Variants in SPIDR observed in about 807,000 individuals in gnomAD.
The protein encoded by SPIDR is scaffold protein involved in DNA repair, also known as DNA repair-scaffolding protein.
SPIDR carries 93 observed loss-of-function variants against 104.6 expected under a neutral mutation model. The observed-to-expected ratio is 0.89, with a 90% confidence interval of 0.75 to 1.06. The LOEUF is 1.06. SPIDR is among the 50% of genes least tolerant of loss of function. SPIDR has a pLI of 0.00. For synonymous variants in SPIDR, 431 were observed against 416.9 expected (o/e 1.03, Z -0.41); for missense variants, 1,154 against 1,111.2 (o/e 1.04, Z -0.55).
At position 47,493,931 on chromosome 8, in the gene SPIDR, A is replaced by C. The variant is rs2079081067; in HGVS notation, c.1097+53389A>C. On this transcript the variant is annotated intron_variant, in intron 8 of 19. Transcript: ENST00000297423. ...TAGAGCATCCCTTTAAAACAATTTTATGTTCCCTTCAAAAAGCATAAGGGG... is the reference window on the plus strand; with the variant it reads ...TAGAGCATCCCTTTAAAACAATTTTCTGTTCCCTTCAAAAAGCATAAGGGG... Among the ~76,000 whole-genome samples the C allele has an allele frequency of 2.6e-5, 4 of 152,132 alleles. No homozygotes were observed. In the South Asian group the frequency reaches 8.3e-4, roughly 32 times the overall value.
At chr8:47,380,613 G>A (rs189765637) in intron 5 of SPIDR, among the ~76,000 whole-genome samples, 2 of 152,180 alleles carry the variant, frequency 1.3e-5, no homozygotes, top group South Asian at 2.1e-4. Context: ...CCAGGCTGAC[G>A]ATAGGTGGAG....
In SPIDR at chr8:47,440,842, G is replaced by A. The variant is rs182070936; in HGVS notation, c.1097+300G>A. Among the ~76,000 whole-genome samples the A allele has an allele frequency of 2.4e-3, 361 of 152,184 alleles. 1 individual carries two copies. Among genetic ancestry groups the A allele is most frequent in the Non-Finnish European group, 4.2e-3 (286 of 68,004 alleles). ...GCTGTTTTTGTTTTTATATTTCTTA[G>A]AAAAATAATTTTGTTAACAGGCATT... On this transcript the variant is annotated intron_variant, in intron 8 of 19. Transcript: ENST00000297423.
At chr8:47,559,551 G>A (rs1003164461) in intron 8 of SPIDR, among the ~76,000 whole-genome samples, 2 of 152,170 alleles carry the variant, frequency 1.3e-5, no homozygotes, top group African/African-American at 4.8e-5. Flanking sequence ...AGAAACAATT[G>A]TATGTTCGTC....
intron 8 of SPIDR, among the ~76,000 whole-genome samples, chr8:47,480,552 G>C (rs533874797): frequency 7.2e-5 from 11 of 152,328 alleles, no homozygotes; most frequent in African/African-American, 2.6e-4. Context: ...GTGGGTAGTT[G>C]GTGGATGACG....
At chr8:47,722,550 G>T (rs1323397000) in intron 16 of SPIDR, among the ~76,000 whole-genome samples, 1 of 152,110 alleles carries the variant, frequency 6.6e-6, no homozygotes, top group East Asian at 1.9e-4. Context: ...AATAATATTA[G>T]CTCTCCTTCC....
At chr8:47,430,660 A>G (rs905054809) in intron 7 of SPIDR, among the ~76,000 whole-genome samples, 1 of 152,208 alleles carries the variant, frequency 6.6e-6, no homozygotes, top group African/African-American at 2.4e-5. Context: ...ACCACCCATA[A>G]TTAGTAACTT....
chr8:47,560,855 C>T (rs2056973200), intron 8 of SPIDR, among the ~76,000 whole-genome samples: 1 of 152,188 alleles, frequency 6.6e-6, no homozygotes, highest in South Asian at 2.1e-4. Context: ...CAAAGACATA[C>T]ACAATTCACT....
chr8:47,545,071 TTTTCTTTCTTTCTTTC>T (rs566816481), intron 8 of SPIDR, among the ~76,000 whole-genome samples: 1,758 of 124,752 alleles, frequency 0.014, 19 homozygotes, highest in South Asian at 0.033. Flanking sequence ...TCTTTTTATC[TTTTCTTTCTTTCTTTC>T]TTTCTTTCTT....
chr8:47,546,747 T>C, intron 8 of SPIDR: 1 of 173,590 alleles, frequency 5.8e-6, no homozygotes, highest in South Asian at 1.3e-4. Context: ...TTATTAATTA[T>C]GCCACATTAT....
chr8:47,614,489 T>C (rs1010654612), intron 10 of SPIDR, among the ~76,000 whole-genome samples: 2 of 152,208 alleles, frequency 1.3e-5, no homozygotes, highest in African/African-American at 2.4e-5. Context: ...CCCAAAGTGC[T>C]GGAATTATAG....
chr8:47,681,011 C>T (rs1260760840), intron 11 of SPIDR, among the ~76,000 whole-genome samples: 6 of 152,098 alleles, frequency 3.9e-5, no homozygotes, highest in African/African-American at 1.4e-4. Flanking sequence ...TGCAGTGAGC[C>T]GAGATCACGC....
chr8:47,554,453 G>A (rs1459440096), intron 8 of SPIDR, among the ~76,000 whole-genome samples: 1 of 152,202 alleles, frequency 6.6e-6, no homozygotes, highest in African/African-American at 2.4e-5. Flanking sequence ...AGCAATGGCA[G>A]ACGTCCCTCC....
chr8:47,331,323 C>T (rs1563644169), intron 5 of SPIDR, among the ~76,000 whole-genome samples: 1 of 152,142 alleles, frequency 6.6e-6, no homozygotes, highest in Non-Finnish European at 1.5e-5. Context: ...CTTGTGCGAA[C>T]ATCATAGAGT....
chr8:47,589,022 G>GTTTTTTTTTTTTTTTTT (rs1168001066), intron 8 of SPIDR, among the ~76,000 whole-genome samples: 18 of 89,048 alleles, frequency 2.0e-4, no homozygotes, highest in Non-Finnish European at 3.3e-4. Flanking sequence ...TTTATAGTTT[G>GTTTTTTTTTTTTTTTTT]TTTTTTTTTT....
chr8:47,515,149 C>A (rs1186160977), intron 8 of SPIDR, among the ~76,000 whole-genome samples: 1 of 152,164 alleles, frequency 6.6e-6, no homozygotes, highest in African/African-American at 2.4e-5. Flanking sequence ...CCCCCACTAG[C>A]CTTCAACTGA....
chr8:47,365,707 C>T (rs1402579073), intron 5 of SPIDR, among the ~76,000 whole-genome samples: 1 of 152,026 alleles, frequency 6.6e-6, no homozygotes, highest in Non-Finnish European at 1.5e-5. Flanking sequence ...AATAAATGTA[C>T]TTTTCTATGC....
At chr8:47,483,305 G>C (rs1315794958) in intron 8 of SPIDR, among the ~76,000 whole-genome samples, 1 of 152,136 alleles carries the variant, frequency 6.6e-6, no homozygotes, top group African/African-American at 2.4e-5. Flanking sequence ...CAGCCATCCA[G>C]CTTATATCAA....
intron 5 of SPIDR, among the ~76,000 whole-genome samples, chr8:47,331,348 C>G (rs1480015829): frequency 1.3e-5 from 2 of 152,172 alleles, no homozygotes; most frequent in Non-Finnish European, 2.9e-5. Flanking sequence ...TTACTCAAAC[C>G]TAGGTGGTTT....
intron 7 of SPIDR, among the ~76,000 whole-genome samples, chr8:47,409,476 GTAGGTGTGGGCC>G (rs1554669735): frequency 6.6e-6 from 1 of 152,130 alleles, no homozygotes; most frequent in Non-Finnish European, 1.5e-5. Flanking sequence ...TAGGGGATGG[GTAGGTGTGGGCC>G]CAGTCATGTA....
Sources: gnomAD v4.1 joint callset for allele counts (sites outside exome capture counted in the v4.1 genomes callset) on GRCh38, gnomAD v4.1.1 for gene constraint, MANE v1.5 for transcripts, NCBI Gene and HGNC (gene_info 2026-07-23, HGNC 2026-07-21) for gene names.